The following LMO4 variants were observed in gnomAD, a reference collection of about 807,000 sequenced individuals.
LMO4 encodes the protein LIM domain only 4, also known as LIM domain transcription factor LMO4.
Under a neutral mutation model 18.5 loss-of-function variants are expected in LMO4, and 3 were observed. The observed-to-expected ratio is 0.16, with a 90% CI of 0.07 to 0.42. The LOEUF is 0.42. LMO4 is among the 10% of genes least tolerant of loss of function. LMO4 has a pLI of 0.99. For missense variants in LMO4, 121 were observed against 219.9 expected (o/e 0.55, Z 2.84); for synonymous variants, 100 against 88.1 (o/e 1.14, Z -0.76).
chr1:87,335,581 C>T (rs1393899180), intron 2 of LMO4, among the ~76,000 whole-genome samples: 1 of 151,982 alleles, frequency 6.6e-6, no homozygotes, highest in East Asian at 1.9e-4. Flanking sequence ...GGGTGGGGGC[C>T]TGGGGCGAGG....
chr1:87,334,913 A>G (rs998502801), intron 2 of LMO4, among the ~76,000 whole-genome samples: 3 of 152,196 alleles, frequency 2.0e-5, no homozygotes, highest in African/African-American at 7.2e-5. Context: ...GGCTTTATCT[A>G]ATGAGATCTG....
chr1:87,337,001 A>ACACAC (rs1311992424), intron 2 of LMO4, among the ~76,000 whole-genome samples: 1 of 146,204 alleles, frequency 6.8e-6, no homozygotes, highest in East Asian at 2.1e-4. Flanking sequence ...CGCACACACA[A>ACACAC]CTTTTCAGAA....
intron 2 of LMO4, 110 bp downstream of exon 2, chr1:87,332,361 C>T: frequency 1.3e-6 from 1 of 784,458 alleles, no homozygotes; most frequent in South Asian, 1.8e-5. Context: ...ATGCAGCCTT[C>T]ACCTCAAAAA....
At chr1:87,336,580 A>G (rs896186434) in intron 2 of LMO4, among the ~76,000 whole-genome samples, 2 of 152,242 alleles carry the variant, frequency 1.3e-5, no homozygotes, top group South Asian at 4.1e-4. Flanking sequence ...GTGTTGTTCA[A>G]ACAGGAGCAA....
intron 2 of LMO4, among the ~76,000 whole-genome samples, chr1:87,336,064 G>A (rs983703560): frequency 2.9e-4 from 35 of 122,278 alleles, no homozygotes; most frequent in Middle Eastern, 4.6e-3. Flanking sequence ...CCCCTCTTAA[G>A]TATCAATAGC....
chr1:87,329,388 C>G (rs1416889240), intron 1 of LMO4, 144 bp downstream of exon 1: 1 of 152,230 alleles, frequency 6.6e-6, no homozygotes, highest in Non-Finnish European at 1.5e-5. Flanking sequence ...AGATAAAGCG[C>G]GAGTCTGAAA....
In LMO4 at chr1:87,348,442, T is replaced by C. The variant is rs930935383; in HGVS notation, c.*3646T>C. ...AGTGCTTATTGCAGTTAAATAGCAA[T>C]TTGTTTCCATGAAACTGCAATTAAA... is the stretch of plus-strand genomic sequence containing the variant. On this transcript the variant is annotated 3_prime_UTR_variant, in exon 5 of 5. Coordinates refer to ENST00000370544, the MANE Select transcript of LMO4 (RefSeq NM_006769.4). 1 of 299,860 alleles carries C rather than the reference T, an allele frequency of 3.3e-6. No homozygotes were observed. Among genetic ancestry groups the C allele is most frequent in the Non-Finnish European group, 6.7e-6 (1 of 148,398 alleles). 18.6% of individuals were successfully genotyped at this position (299,860 alleles called of 1,614,324 possible).
chr1:87,335,499 G>A (rs1650281000), intron 2 of LMO4, among the ~76,000 whole-genome samples: 1 of 151,956 alleles, frequency 6.6e-6, no homozygotes, highest in Admixed American at 6.6e-5. Context: ...AGCGGGTCGC[G>A]CTTTCTTTCC....
chr1:87,338,283 C>G (rs975799315), intron 2 of LMO4, among the ~76,000 whole-genome samples: 2 of 152,150 alleles, frequency 1.3e-5, no homozygotes, highest in Non-Finnish European at 2.9e-5. Context: ...AGGAATATGT[C>G]TCCTGGTTTG....
In LMO4 at chr1:87,332,115, T is replaced by C; in HGVS notation, c.100T>C (p.Phe34Leu). Reference protein sequence around the residue: ...AGCGGKIADRFLLYAMDSYWH... With the variant: ...AGCGGKIADRLLLYAMDSYWH... ...CTGCGGGGGCAAGATTGCGGACCGC[T>C]TTCTGCTCTATGCCATGGACAGCTA... Residue 34 changes from phenylalanine to leucine, a missense_variant, in exon 2 of 5, where the codon TTT becomes CTT. By Grantham distance (22) the Phe-to-Leu change is conservative (BLOSUM62 0). Around this residue, in one of 4 missense-constraint regions of LMO4, gnomAD observed 51 missense variants for 56.8 expected, o/e 0.90. Coordinates refer to ENST00000370544, the MANE Select transcript of LMO4 (RefSeq NM_006769.4). The C allele has an allele frequency of 6.2e-7, 1 of 1,614,182 alleles. No homozygotes were observed. Among genetic ancestry groups the C allele is most frequent in the Non-Finnish European group, 8.5e-7 (1 of 1,180,034 alleles).
intron 4 of LMO4, among the ~76,000 whole-genome samples, chr1:87,344,368 CA>C (rs2100570120): frequency 6.6e-6 from 1 of 152,254 alleles, no homozygotes; most frequent in Non-Finnish European, 1.5e-5. Flanking sequence ...AGCAACATTC[CA>C]AAAGGTTACA....
chr1:87,344,103 TAAG>T (rs950616393), intron 4 of LMO4, among the ~76,000 whole-genome samples: 5 of 152,154 alleles, frequency 3.3e-5, no homozygotes, highest in East Asian at 1.9e-4. Context: ...ACATAGCAGA[TAAG>T]AAATAGTGAA....
chr1:87,343,316 A>G (rs113168725), intron 4 of LMO4, among the ~76,000 whole-genome samples: 4,354 of 152,286 alleles, frequency 0.029, 219 homozygotes, highest in African/African-American at 0.1. Flanking sequence ...TGCATTTCAG[A>G]TGGACTGAAA....
At chr1:87,334,676 C>T (rs1292037824) in intron 2 of LMO4, among the ~76,000 whole-genome samples, 3 of 151,978 alleles carry the variant, frequency 2.0e-5, no homozygotes, top group African/African-American at 7.3e-5. Flanking sequence ...TGCTAAAAAG[C>T]TGCGGGAGAG....
chr1:87,335,447 C>G (rs899547358), intron 2 of LMO4, among the ~76,000 whole-genome samples: 4 of 151,812 alleles, frequency 2.6e-5, no homozygotes, highest in African/African-American at 4.8e-5. Context: ...GGCGGGCGGT[C>G]TCGGGCCCAC....
Position 87,332,165 on chromosome 1 carries a change from C to T in LMO4, c.150C>T (p.Cys50=). ...ATTGGCACAGCCGGTGCCTCAAGTG[C>T]TCCTGCTGCCAGGCGCAGCTGGGCG... ...DSYWHSRCLK[C]SCCQAQLGDI... The change falls in exon 2 of 5, where the codon TGC becomes TGT. Residue 50 remains cysteine (C), a synonymous_variant. Coordinates refer to ENST00000370544, the MANE Select transcript of LMO4 (RefSeq NM_006769.4). 6.2e-7 allele frequency: 1 copy of T among 1,614,250 alleles called. No homozygotes were observed. The highest frequency in any genetic ancestry group is 2.2e-5 in the East Asian group (1 of 44,886).
In LMO4 at chr1:87,334,018, G is replaced by T. The variant is rs553437250; in HGVS notation, c.236+1767G>T. Among the ~76,000 whole-genome samples the T allele has an allele frequency of 6.6e-5, 10 of 152,082 alleles. 2 individuals carry two copies. The South Asian group carries it at 2.1e-3, about 32-fold the overall frequency. On this transcript the variant is annotated intron_variant, in intron 2 of 4. Coordinates refer to ENST00000370544, the MANE Select transcript of LMO4 (RefSeq NM_006769.4). The stretch of plus-strand genomic sequence containing the variant: ...AATTAAAAAGAAGATGGGTCCGCTT[G>T]TATTCCCCCAGGACAAGTTTAGGCA...
At chr1:87,335,392 C>A (rs1650276330) in intron 2 of LMO4, among the ~76,000 whole-genome samples, 1 of 151,916 alleles carries the variant, frequency 6.6e-6, no homozygotes, top group African/African-American at 2.4e-5. Flanking sequence ...AGGCGGCCAG[C>A]ACCCGGGCCG....
chr1:87,334,893 AG>A (rs1224592392), intron 2 of LMO4, among the ~76,000 whole-genome samples: 1 of 152,182 alleles, frequency 6.6e-6, no homozygotes, highest in African/African-American at 2.4e-5. Flanking sequence ...CCATTTTCTT[AG>A]TTCTGATGGG....
Sources: gnomAD v4.1 joint callset for allele counts (sites outside exome capture counted in the v4.1 genomes callset) on GRCh38, gnomAD v4.1.1 for gene constraint, gnomAD v4.1.1 regional missense constraint, MANE v1.5 for transcripts, NCBI Gene and HGNC (gene_info 2026-07-23, HGNC 2026-07-21) for gene names.